The following ARFGEF3 variants were observed in gnomAD, a reference collection of about 807,000 sequenced individuals.
ARFGEF3 encodes ARFGEF family member 3.
In ARFGEF3, 96 loss-of-function variants were observed where a neutral mutation model predicts 221.7. The observed-to-expected ratio is 0.43, with a 90% CI of 0.37 to 0.51. ARFGEF3 has a LOEUF of 0.51. Ranked by LOEUF, ARFGEF3 falls within the 20% of genes least tolerant of loss-of-function variation. The pLI is 0.00. For synonymous variants in ARFGEF3, 1,145 were observed against 1,126.8 expected (o/e 1.02, Z -0.32); for missense variants, 2,410 against 2,789.9 (o/e 0.86, Z 3.07).
intron 6 of ARFGEF3, among the ~76,000 whole-genome samples, chr6:138,241,794 A>T (rs750717950): frequency 6.6e-6 from 1 of 152,252 alleles, no homozygotes; most frequent in Non-Finnish European, 1.5e-5. Flanking sequence ...CCCCAGCTGC[A>T]TGCCAGGACA....
intron 2 of ARFGEF3, among the ~76,000 whole-genome samples, chr6:138,191,431 C>T (rs1777303047): frequency 6.6e-6 from 1 of 152,136 alleles, no homozygotes; most frequent in African/African-American, 2.4e-5. Context: ...GAAGGACAGC[C>T]TTCCTTCTGG....
intron 24 of ARFGEF3, among the ~76,000 whole-genome samples, chr6:138,311,058 A>G (rs1779817885): frequency 6.6e-6 from 1 of 152,220 alleles, no homozygotes. Flanking sequence ...GTCATTTACC[A>G]TGTGCCCATG....
At chr6:138,298,471 T>C (rs1245360236) in intron 21 of ARFGEF3, 135 bp from the exon 22 acceptor site, 1 of 639,174 alleles carries the variant, frequency 1.6e-6, no homozygotes, top group Non-Finnish European at 2.6e-6. Context: ...TTTAGACTTA[T>C]CCCTTAGAAT....
In ARFGEF3 at chr6:138,314,097, T is replaced by G. The variant is rs184194943; in HGVS notation, c.4345+158T>G. The stretch of plus-strand genomic sequence containing the variant: ...GAGAGTGATAAATAGCAGATTTATT[T>G]CTTACAGTTCTGGAGGCTGAGAAGC... On this transcript the variant is annotated intron_variant, in intron 26 of 33. Transcript: ENST00000251691. Among the ~76,000 whole-genome samples, 160 of 152,328 alleles carry G rather than the reference T, an allele frequency of 1.1e-3. 2 individuals are homozygous for G. Among genetic ancestry groups the G allele is most frequent in the Admixed American group, 3.1e-3 (47 of 15,302 alleles).
In ARFGEF3 at chr6:138,277,838, A is replaced by T. The variant is rs190265391; in HGVS notation, c.2129-613A>T. 2.1e-3 allele frequency among the ~76,000 whole-genome samples: 323 copies of T among 152,350 alleles called. 1 individual carries two copies. Among genetic ancestry groups the T allele is most frequent in the African/African-American group, 7.3e-3 (305 of 41,578 alleles). ...ATTTTTTAAAAGCCGGGTAAGCGGC[A>T]TATTGGTGAGGGGCAGGAGTGGATT... On this transcript the variant is annotated intron_variant, in intron 12 of 33. Transcript: ENST00000251691.
rs372615406 is a variant in ARFGEF3 at position 138,298,773 on chromosome 6, C to T, written c.3816C>T (p.Asp1272=). ...TGCAGCTGGAATTGTGTGATGAGGACGTCCAAGACCAGGTCAGTGTGACAT... is the reference window on the plus strand; with the variant it reads ...TGCAGCTGGAATTGTGTGATGAGGATGTCCAAGACCAGGTCAGTGTGACAT... ...RIMQLELCDE[D]VQDQVVTSIG... is the part of the protein sequence containing the mutation. Residue 1272 remains aspartate, a synonymous_variant, in exon 22 of 34, where the codon GAC becomes GAT. Coordinates refer to ENST00000251691, the MANE Select transcript of ARFGEF3 (RefSeq NM_020340.5). The T allele has an allele frequency of 6.8e-6, 11 of 1,611,776 alleles. No individual in the cohort carries two copies. In the African/African-American group the frequency reaches 8.0e-5, roughly 12 times the overall value.
At chr6:138,307,172 A>G (rs1779742588) in intron 22 of ARFGEF3, 81 bp from the exon 23 acceptor site, 1 of 1,425,500 alleles carries the variant, frequency 7.0e-7, no homozygotes, top group Non-Finnish European at 9.7e-7. Context: ...AATAGGGGAC[A>G]GAGAAATACA....
intron 22 of ARFGEF3, among the ~76,000 whole-genome samples, chr6:138,305,733 A>C (rs1291534217): frequency 6.6e-6 from 1 of 152,190 alleles, no homozygotes; most frequent in Non-Finnish European, 1.5e-5. Flanking sequence ...TCAATTAACA[A>C]TTAGTAGACT....
At chr6:138,177,095 TTA>T (rs748733680) in intron 2 of ARFGEF3, among the ~76,000 whole-genome samples, 8 of 122,758 alleles carry the variant, frequency 6.5e-5, no homozygotes, top group Non-Finnish European at 1.3e-4. Flanking sequence ...ATTTATTTAT[TTA>T]TATTTTTTTT....
intron 12 of ARFGEF3, among the ~76,000 whole-genome samples, chr6:138,277,290 A>G (rs1779116155): frequency 6.6e-6 from 1 of 152,202 alleles, no homozygotes; most frequent in Non-Finnish European, 1.5e-5. Flanking sequence ...GTTGTGGCAT[A>G]TATCAGAACG....
intron 26 of ARFGEF3, among the ~76,000 whole-genome samples, chr6:138,315,468 G>T (rs1344629448): frequency 6.6e-6 from 1 of 152,176 alleles, no homozygotes; most frequent in African/African-American, 2.4e-5. Flanking sequence ...CTTTTGAGGG[G>T]AAGGTTTTTT....
intron 31 of ARFGEF3, among the ~76,000 whole-genome samples, chr6:138,326,069 C>T (rs1388387770): frequency 6.6e-6 from 1 of 152,086 alleles, no homozygotes; most frequent in Non-Finnish European, 1.5e-5. Flanking sequence ...GTTGGCCAGG[C>T]TGGTCTCAAA....
At chr6:138,271,978 G>A (rs993440438) in intron 12 of ARFGEF3, among the ~76,000 whole-genome samples, 1 of 152,070 alleles carries the variant, frequency 6.6e-6, no homozygotes, top group Non-Finnish European at 1.5e-5. Flanking sequence ...AGGGGGTTGG[G>A]GAAACCATGG....
rs148847579 is a variant in ARFGEF3, at chr6:138,188,664, A to T, written c.137+17951A>T. On this transcript the variant is annotated intron_variant, in intron 2 of 33. Transcript: ENST00000251691. ...GGCAGTTACAGACAGGCTGAAGGGC[A>T]CCTGTTGTGCCCACACACAAACCCA... Among the ~76,000 whole-genome samples, 5 of 152,370 alleles carry T rather than the reference A, an allele frequency of 3.3e-5. No individual in the cohort carries two copies. In the East Asian group the frequency reaches 9.6e-4, roughly 29 times the overall value.
Position 138,340,915 on chromosome 6 carries a change from TGAAAAA to T in ARFGEF3, c.*4430_*4435del, listed in dbSNP as rs1239307700. 1 of 151,870 alleles carries T rather than the reference TGAAAAA, an allele frequency of 6.6e-6. No individual in the cohort carries two copies. The highest frequency in any genetic ancestry group is 1.5e-5 in the Non-Finnish European group (1 of 67,972). 9.4% of individuals were successfully genotyped at this position (151,870 alleles called of 1,614,324 possible). On this transcript the variant is annotated 3_prime_UTR_variant, in exon 34 of 34. Coordinates refer to ENST00000251691, the MANE Select transcript of ARFGEF3 (RefSeq NM_020340.5). Reference sequence around the variant, plus strand: ...TTATGGAGGTTTTTAAAAATAAAGTTGAAAAAAGAAAATGAATCATGTTTATACATA... The same window carrying T: ...TTATGGAGGTTTTTAAAAATAAAGTTAGAAAATGAATCATGTTTATACATA...
At chr6:138,279,187 T>A (rs1160638965) in intron 13 of ARFGEF3, among the ~76,000 whole-genome samples, 1 of 151,744 alleles carries the variant, frequency 6.6e-6, no homozygotes, top group African/African-American at 2.4e-5. Context: ...GCTAATTTTT[T>A]AATTATTTTT....
intron 1 of ARFGEF3, among the ~76,000 whole-genome samples, chr6:138,170,339 T>C (rs1776803887): frequency 6.6e-6 from 1 of 152,246 alleles, no homozygotes; most frequent in South Asian, 2.1e-4. Flanking sequence ...TTCTTTATTT[T>C]TATTACAAGA....
At position 138,253,861 on chromosome 6, in the gene ARFGEF3, C is replaced by G. The variant is rs201709173; in HGVS notation, c.666-19C>G. On this transcript the variant is annotated intron_variant, in intron 8 of 33. Coordinates refer to ENST00000251691, the MANE Select transcript of ARFGEF3 (RefSeq NM_020340.5). ...CCTTGTCTTTTGTCTGCATTTGTGTCGGTTCTGCTCTTCTGCAGTGACAGC... is the reference window on the plus strand; with the variant it reads ...CCTTGTCTTTTGTCTGCATTTGTGTGGGTTCTGCTCTTCTGCAGTGACAGC... 21 of 1,545,250 alleles carry G rather than the reference C, an allele frequency of 1.4e-5. No homozygotes were observed. The highest frequency in any genetic ancestry group is 1.7e-5 in the Non-Finnish European group (19 of 1,138,606).
chr6:138,165,125 C>T (rs1002579735), intron 1 of ARFGEF3, among the ~76,000 whole-genome samples: 1 of 150,886 alleles, frequency 6.6e-6, no homozygotes, highest in Non-Finnish European at 1.5e-5. Flanking sequence ...CCTCTGAGAC[C>T]CTCATGAGAG....
Sources: allele counts gnomAD v4.1 joint callset (sites outside exome capture counted in the v4.1 genomes callset), GRCh38; gene constraint gnomAD v4.1.1; transcripts MANE v1.5; gene names NCBI Gene and HGNC (gene_info 2026-07-23, HGNC 2026-07-21).